The following PABPC1 variants were observed in gnomAD, a reference collection of about 807,000 sequenced individuals.
The protein encoded by PABPC1 is poly(A) binding protein cytoplasmic 1, also known as polyadenylate-binding protein 1.
Under a neutral mutation model 74.0 loss-of-function variants are expected in PABPC1, and 4 were observed. That is an observed-to-expected ratio of 0.05 (90% confidence interval 0.03 to 0.12). The LOEUF is 0.12. Among genes scored for constraint, PABPC1 ranks in the 10% least tolerant of loss-of-function variants. The pLI is 1.00. For synonymous variants in PABPC1, 227 were observed against 264.1 expected, an observed-to-expected ratio of 0.86 and a Z score of 1.36; for missense variants, 271 against 821.1, an observed-to-expected ratio of 0.33 and a Z score of 8.19.
intron 14 of PABPC1, among the ~76,000 whole-genome samples, chr8:100,703,755 C>G (rs1810306818): frequency 6.6e-6 from 1 of 152,016 alleles, no homozygotes; most frequent in Non-Finnish European, 1.5e-5. Flanking sequence ...ATATATATTA[C>G]TATACAAAAT....
intron 4 of PABPC1, among the ~76,000 whole-genome samples, chr8:100,714,243 TACAA>T: frequency 6.6e-6 from 1 of 152,270 alleles, no homozygotes; most frequent in Non-Finnish European, 1.5e-5. Context: ...CATCAACTTT[TACAA>T]ACAGCTTCTA....
At chr8:100,709,878 A>C (rs1810482920) in intron 7 of PABPC1, 147 bp from the exon 8 acceptor site, 2 of 940,596 alleles carry the variant, frequency 2.1e-6, no homozygotes, top group Non-Finnish European at 1.5e-6. Context: ...CATTGAGTTC[A>C]CAATTTTTCC....
At chr8:100,706,393 G>A (rs1344584007) in intron 11 of PABPC1, among the ~76,000 whole-genome samples, 2 of 151,574 alleles carry the variant, frequency 1.3e-5, no homozygotes, top group African/African-American at 4.8e-5. Context: ...TCCTGGGCTC[G>A]AGCAATCCTC....
Position 100,721,678 on chromosome 8 carries a change from G to A in PABPC1, c.-95C>T. 1 of 972,970 alleles carries A rather than the reference G, an allele frequency of 1.0e-6. No homozygotes were observed. Among genetic ancestry groups the A allele is most frequent in the South Asian group, 2.2e-5 (1 of 46,294 alleles). 60.3% of individuals were successfully genotyped at this position (972,970 alleles called of 1,614,324 possible). On this transcript the variant is annotated 5_prime_UTR_variant, in exon 1 of 15. Coordinates refer to ENST00000318607, the MANE Select transcript of PABPC1 (RefSeq NM_002568.4). The surrounding 1 kb of genome is among the most constrained non-coding windows in gnomAD (Gnocchi z 7.4). Reference sequence around the variant, plus strand: ...CTGGGGGCCGGAGCCGGGGGGAGGGGAGCGGGGAGCAAGCGCAGAGGGACA... The same window carrying A: ...CTGGGGGCCGGAGCCGGGGGGAGGGAAGCGGGGAGCAAGCGCAGAGGGACA...
rs1377609638 is a variant in PABPC1, at chr8:100,706,903, C to T, written c.1431G>A (p.Met477Ile). Residue 477 changes from methionine (M) to isoleucine (I), a missense_variant, in exon 10 of 15, where the codon ATG becomes ATA. By Grantham distance (10) the Met-to-Ile change is conservative (BLOSUM62 1). Transcript: ENST00000318607. Reference protein sequence around the residue: ...RPASSQVPRVMSTQRVANTST... With the variant: ...RPASSQVPRVISTQRVANTST... Reference sequence around the variant, plus strand: ...AAGACTCACCAACACGCTGTGTTGACATGACTCGTGGAACCTGTGAAGAAG... The same window carrying T: ...AAGACTCACCAACACGCTGTGTTGATATGACTCGTGGAACCTGTGAAGAAG... 2.5e-6 allele frequency: 4 copies of T among 1,613,990 alleles called. No individual in the cohort carries two copies. Among genetic ancestry groups the T allele is most frequent in the Non-Finnish European group, 3.4e-6 (4 of 1,179,858 alleles).
intron 14 of PABPC1, chr8:100,704,003 C>T (rs995169408): frequency 4.0e-6 from 1 of 248,780 alleles, no homozygotes; most frequent in Non-Finnish European, 7.5e-6. Flanking sequence ...TGCAGTGAGC[C>T]GAGATCGCGT....
chr8:100,710,073 G>C (rs1485043233), intron 7 of PABPC1, among the ~76,000 whole-genome samples: 2 of 151,878 alleles, frequency 1.3e-5, no homozygotes, highest in African/African-American at 4.8e-5. Flanking sequence ...TTGACTTTTG[G>C]GCACCACTGG....
At chr8:100,707,087 TAA>T (rs1810400128) in intron 9 of PABPC1, 90 bp from the exon 10 acceptor site, 7 of 925,856 alleles carry the variant, frequency 7.6e-6, no homozygotes, top group South Asian at 1.6e-5. Flanking sequence ...GAGGTTTGCA[TAA>T]AAGACTAAAA....
chr8:100,708,701 C>T (rs898032862), intron 9 of PABPC1, among the ~76,000 whole-genome samples: 2 of 151,938 alleles, frequency 1.3e-5, no homozygotes, highest in Admixed American at 6.6e-5. Flanking sequence ...CGTGGTCAAA[C>T]CCCATCTCTA....
At chr8:100,716,634 T>C (rs1361567627) in intron 3 of PABPC1, among the ~76,000 whole-genome samples, 1 of 152,240 alleles carries the variant, frequency 6.6e-6, no homozygotes, top group Admixed American at 6.5e-5. Flanking sequence ...ATAAATGTTC[T>C]CAAAGGGAGC....
chr8:100,721,037 AGG>A lies in PABPC1; in HGVS notation c.193+352_193+353del, dbSNP rs201486444. ...AGCGCCTCCACCTCTTACCCACGGAAGGAGCTCAGCGTTCAACGCCCCAGAAT... is the reference window on the plus strand; with the variant it reads ...AGCGCCTCCACCTCTTACCCACGGAAAGCTCAGCGTTCAACGCCCCAGAAT... On this transcript the variant is annotated intron_variant, in intron 1 of 14. Coordinates refer to ENST00000318607, the MANE Select transcript of PABPC1 (RefSeq NM_002568.4). The surrounding 1 kb of genome is among the most constrained non-coding windows in gnomAD (Gnocchi z 7.4). Among the ~76,000 whole-genome samples, 4,132 of 152,272 alleles carry A rather than the reference AGG, an allele frequency of 0.027. 180 individuals carry two copies. The highest frequency in any genetic ancestry group is 0.093 in the African/African-American group (3,848 of 41,554).
chr8:100,712,558 C>T, intron 6 of PABPC1, 94 bp downstream of exon 6: 1 of 1,515,742 alleles, frequency 6.6e-7, no homozygotes, highest in South Asian at 1.2e-5. Flanking sequence ...CTATTCCCCT[C>T]TCAAACCCTC....
intron 1 of PABPC1, 111 bp from the exon 2 acceptor site, chr8:100,718,391 A>G: frequency 1.2e-6 from 1 of 803,874 alleles, no homozygotes; most frequent in Non-Finnish European, 2.0e-6. Context: ...CTCACAGTTG[A>G]ACGCTTCCTC....
intron 9 of PABPC1, among the ~76,000 whole-genome samples, chr8:100,707,849 C>T (rs750526894): frequency 5.9e-5 from 9 of 152,232 alleles, no homozygotes; most frequent in Non-Finnish European, 1.2e-4. Context: ...GACCTCGGTC[C>T]GCCTGGCAAC....
intron 7 of PABPC1, 139 bp from the exon 8 acceptor site, chr8:100,709,870 T>C (rs1049734318): frequency 5.2e-5 from 51 of 977,314 alleles, no homozygotes; most frequent in African/African-American, 4.1e-4. Context: ...TATTTACCCA[T>C]TGAGTTCACA....
intron 11 of PABPC1, among the ~76,000 whole-genome samples, chr8:100,706,161 T>C (rs1026048688): frequency 1.1e-4 from 17 of 152,304 alleles, no homozygotes; most frequent in Admixed American, 4.6e-4. Flanking sequence ...TAGCTACTTG[T>C]AATAGTTGTT....
In PABPC1 at chr8:100,706,648, T is replaced by C; in HGVS notation, c.1602+3A>G. On this transcript the variant is annotated splice_donor_region_variant and intron_variant, in intron 11 of 14. Coordinates refer to ENST00000318607, the MANE Select transcript of PABPC1 (RefSeq NM_002568.4). ...TTTTATTAAGAAATCATTAAATCCA[T>C]ACCTGTTGCATTGTAACTTGTGGCT... The C allele has an allele frequency of 6.9e-7, 1 of 1,448,938 alleles. No individual in the cohort carries two copies. The highest frequency in any genetic ancestry group is 9.3e-7 in the Non-Finnish European group (1 of 1,077,204). 89.8% of individuals were successfully genotyped at this position (1,448,938 alleles called of 1,614,324 possible). A position where few individuals can be genotyped will look rare whatever the true frequency, so the allele number is the denominator to read the frequency against.
intron 7 of PABPC1, among the ~76,000 whole-genome samples, chr8:100,710,370 C>G (rs1421150417): frequency 6.6e-6 from 1 of 152,172 alleles, no homozygotes; most frequent in African/African-American, 2.4e-5. Context: ...ACTACATTAA[C>G]AGTATGCGAG....
At chr8:100,708,709 C>G (rs1810446607) in intron 9 of PABPC1, among the ~76,000 whole-genome samples, 1 of 151,304 alleles carries the variant, frequency 6.6e-6, no homozygotes. Flanking sequence ...AACCCCATCT[C>G]TACTAATAAT....
Sources: allele counts gnomAD v4.1 joint callset (sites outside exome capture counted in the v4.1 genomes callset), GRCh38; gene constraint gnomAD v4.1.1; non-coding constraint Gnocchi (gnomAD v3.1); transcripts MANE v1.5; gene names NCBI Gene and HGNC (gene_info 2026-07-23, HGNC 2026-07-21).